Variants in FMN2 observed in about 807,000 individuals in gnomAD.
The protein encoded by FMN2 is formin-2.
In FMN2, 51 loss-of-function variants were observed where a neutral mutation model predicts 142.3. That is an observed-to-expected ratio of 0.36 (90% CI 0.29 to 0.45). The LOEUF is 0.45. Ranked by LOEUF, FMN2 falls within the 20% of genes least tolerant of loss-of-function variation. The pLI, the probability that FMN2 is intolerant of heterozygous loss-of-function variation, is 1.00. For synonymous variants in FMN2, 882 were observed against 869.8 expected, an observed-to-expected ratio of 1.01 and a Z score of -0.25; for missense variants, 1,936 against 2,122.8, an observed-to-expected ratio of 0.91 and a Z score of 1.73.
chr1:240,393,171 AT>A (rs61633161), intron 15 of FMN2, among the ~76,000 whole-genome samples: 2,570 of 149,864 alleles, frequency 0.017, 78 homozygotes, highest in African/African-American at 0.058. Context: ...AGATAAGTGT[AT>A]TTTTTTTTTT....
Position 240,392,547 on chromosome 1 carries a change from C to G in FMN2, c.4895C>G (p.Thr1632Arg), listed in dbSNP as rs779792529. ...IDQEAEENSL[T>R]ETHKCFLETT... ...CAAGAGGCAGAGGAAAATTCACTGA[C>G]AGAGACTCATAAATGGTGAGAAATT... The change falls in exon 15 of 18, where the codon ACA (threonine) becomes AGA (arginine). Residue 1632 changes from threonine to arginine, a missense_variant. Thr to Arg is a moderately conservative substitution (Grantham distance 71). This residue lies in a region of FMN2 where 322 missense variants were observed against 401.6 expected (regional missense o/e 0.80). Transcript: ENST00000319653. 6.2e-7 allele frequency: 1 copy of G among 1,608,566 alleles called. No individual in the cohort carries two copies. The highest frequency in any genetic ancestry group is 2.2e-5 in the East Asian group (1 of 44,580).
At chr1:240,432,771 A>G (rs1675219454) in intron 15 of FMN2, among the ~76,000 whole-genome samples, 1 of 151,930 alleles carries the variant, frequency 6.6e-6, no homozygotes, top group Admixed American at 6.6e-5. Flanking sequence ...GGTTTGCTTA[A>G]TTGCCAAATT....
chr1:240,345,283 C>G (rs1026927063), intron 13 of FMN2, among the ~76,000 whole-genome samples: 1 of 152,148 alleles, frequency 6.6e-6, no homozygotes, highest in African/African-American at 2.4e-5. Context: ...ATGTCAATAA[C>G]TTTTCAAATC....
At chr1:240,349,445 A>C (rs1183738279) in intron 13 of FMN2, among the ~76,000 whole-genome samples, 1 of 152,188 alleles carries the variant, frequency 6.6e-6, no homozygotes, top group South Asian at 2.1e-4. Flanking sequence ...AGCTGTGATT[A>C]ACATTGATTG....
chr1:240,272,711 C>T (rs923498441), intron 7 of FMN2, among the ~76,000 whole-genome samples: 13 of 152,116 alleles, frequency 8.5e-5, no homozygotes, highest in Admixed American at 3.3e-4. Flanking sequence ...CCTCTCAGCT[C>T]AGTGTGCCGA....
At chr1:240,355,717 G>A in intron 13 of FMN2, 99 bp from the exon 14 acceptor site, 1 of 743,412 alleles carries the variant, frequency 1.3e-6, no homozygotes, top group Non-Finnish European at 2.3e-6. Flanking sequence ...GATTAGGGGA[G>A]TTAACAGAAT....
intron 8 of FMN2, among the ~76,000 whole-genome samples, chr1:240,313,139 T>C (rs770843789): frequency 1.3e-5 from 2 of 152,226 alleles, no homozygotes; most frequent in Non-Finnish European, 2.9e-5. Context: ...GGGAGGTCTT[T>C]ACTAAGTGAG....
At position 240,208,498 on chromosome 1, in the gene FMN2, G is replaced by C. The variant is rs1445830447; in HGVS notation, c.3686G>C (p.Gly1229Ala). 3 of 1,609,510 alleles carry C rather than the reference G, an allele frequency of 1.9e-6. No homozygotes were observed. The highest frequency in any genetic ancestry group is 2.5e-6 in the Non-Finnish European group (3 of 1,178,442). The change falls in exon 5 of 18, where the codon GGG becomes GCG. Residue 1229 changes from glycine to alanine, a missense_variant. By Grantham distance (60) the Gly-to-Ala change is moderately conservative. Around this residue, in one of 8 missense-constraint regions of FMN2, gnomAD observed 259 missense variants for 230.9 expected, o/e 1.12. Coordinates refer to ENST00000319653, the MANE Select transcript of FMN2 (RefSeq NM_020066.5). ...CCAGCTCCCCCACTCCCTCCACCTG[G>C]GACAGGAATCCCACCGCCCCCTCTG... ...PAPAPPLPPP[G>A]TGIPPPPLLP...
chr1:240,165,458 T>A (rs1158863857), intron 2 of FMN2, among the ~76,000 whole-genome samples: 1 of 148,204 alleles, frequency 6.7e-6, no homozygotes, highest in Non-Finnish European at 1.5e-5. Flanking sequence ...ATGACTGGCA[T>A]GAGCCACCAC....
At chr1:240,135,787 C>T (rs906458338) in intron 2 of FMN2, among the ~76,000 whole-genome samples, 1 of 150,720 alleles carries the variant, frequency 6.6e-6, no homozygotes, top group African/African-American at 2.4e-5. Context: ...TCAAGCGATT[C>T]TCGTGTCTCA....
intron 6 of FMN2, among the ~76,000 whole-genome samples, chr1:240,250,174 T>C (rs1668231697): frequency 6.6e-6 from 1 of 152,168 alleles, no homozygotes; most frequent in African/African-American, 2.4e-5. Flanking sequence ...GTTCCAATTA[T>C]TAGAGGAAAG....
intron 7 of FMN2, among the ~76,000 whole-genome samples, chr1:240,263,038 C>T (rs1417072217): frequency 1.3e-5 from 2 of 152,042 alleles, no homozygotes; most frequent in African/African-American, 2.4e-5. Flanking sequence ...GGATTACAGG[C>T]GTGAGCCACC....
At chr1:240,252,214 A>G (rs1668300023) in intron 6 of FMN2, among the ~76,000 whole-genome samples, 1 of 152,012 alleles carries the variant, frequency 6.6e-6, no homozygotes, top group Admixed American at 6.6e-5. Context: ...CGGCCTCCTT[A>G]ACTGATTTCT....
intron 1 of FMN2, among the ~76,000 whole-genome samples, chr1:240,118,050 G>T (rs1487232709): frequency 6.6e-6 from 1 of 152,196 alleles, no homozygotes; most frequent in African/African-American, 2.4e-5. Context: ...TGCAGAAGAA[G>T]AGTGTTCTAG....
At chr1:240,431,402 T>TTTTATATATATACATATATA (rs1293874318) in intron 15 of FMN2, among the ~76,000 whole-genome samples, 4 of 139,210 alleles carry the variant, frequency 2.9e-5, no homozygotes, top group African/African-American at 1.1e-4. Flanking sequence ...CAACCATGTT[T>TTTTATATATATACATATATA]TATATATATA....
At position 240,138,318 on chromosome 1, in the gene FMN2, T is replaced by C. The variant is rs112847045; in HGVS notation, c.1782+14973T>C. On this transcript the variant is annotated intron_variant, in intron 2 of 17. Transcript: ENST00000319653. ...TTGTGGTTAGGATGCTGGAAGACCC[T>C]GAGGAAACCGTTGCAGCAATCCAGG... Among the ~76,000 whole-genome samples, 551 of 152,114 alleles carry C rather than the reference T, an allele frequency of 3.6e-3. 2 individuals carry two copies. Among genetic ancestry groups the C allele is most frequent in the African/African-American group, 0.013 (523 of 41,488 alleles).
intron 16 of FMN2, among the ~76,000 whole-genome samples, chr1:240,461,572 T>G (rs1676453040): frequency 6.6e-6 from 1 of 152,186 alleles, no homozygotes; most frequent in African/African-American, 2.4e-5. Context: ...GGGAAATACA[T>G]TGCAAGTCAT....
chr1:240,451,769 T>C (rs1405496101), intron 16 of FMN2, among the ~76,000 whole-genome samples: 1 of 151,930 alleles, frequency 6.6e-6, no homozygotes, highest in East Asian at 1.9e-4. Context: ...ATGAAGGAAG[T>C]GTAGTGTTGG....
At chr1:240,243,654 GT>G in intron 6 of FMN2, among the ~76,000 whole-genome samples, 1 of 152,124 alleles carries the variant, frequency 6.6e-6, no homozygotes, top group Non-Finnish European at 1.5e-5. Flanking sequence ...TACCGAATTT[GT>G]TTATCTCAAG....
Sources: allele counts gnomAD v4.1 joint callset (sites outside exome capture counted in the v4.1 genomes callset), GRCh38; gene constraint gnomAD v4.1.1; regional missense constraint gnomAD v4.1.1; transcripts MANE v1.5; gene names NCBI Gene and HGNC (gene_info 2026-07-23, HGNC 2026-07-21).